SYTL2: variants seen among roughly 807,000 people sequenced by gnomAD.
The protein encoded by SYTL2 is synaptotagmin like 2.
In SYTL2, 165 loss-of-function variants were observed where a neutral mutation model predicts 198.7. That is an observed-to-expected ratio of 0.83 (90% CI 0.73 to 0.94). SYTL2 has a LOEUF of 0.94. SYTL2 is among the 40% of genes least tolerant of loss of function. The pLI, the probability that SYTL2 is intolerant of heterozygous loss-of-function variation, is 0.00. For missense variants in SYTL2, 2,835 were observed against 2,582.8 expected (o/e 1.10, Z -2.12); for synonymous variants, 966 against 917.7 (o/e 1.05, Z -0.95).
chr11:85,778,679 T>A (rs913455264), intron 1 of SYTL2, among the ~76,000 whole-genome samples: 6 of 152,198 alleles, frequency 3.9e-5, no homozygotes, highest in South Asian at 2.1e-4. Context: ...GCATGCACTA[T>A]CTATTTAAAA....
intron 1 of SYTL2, among the ~76,000 whole-genome samples, chr11:85,805,730 A>T (rs957310894): frequency 2.6e-5 from 4 of 152,230 alleles, no homozygotes; most frequent in Non-Finnish European, 5.9e-5. Flanking sequence ...AAAGAAACTT[A>T]TATTCACTCA....
intron 7 of SYTL2, among the ~76,000 whole-genome samples, chr11:85,728,306 A>T (rs1040792734): frequency 1.3e-5 from 2 of 151,988 alleles, no homozygotes; most frequent in African/African-American, 4.8e-5. Flanking sequence ...ATTTTTTTTG[A>T]GATGGAGTCT....
At chr11:85,839,672 T>C in the SYTL2 span, among the ~76,000 whole-genome samples, 3 of 152,228 alleles carry the variant, frequency 2.0e-5, no homozygotes, top group Admixed American at 2.0e-4. Flanking sequence ...ATTCTCTTTA[T>C]CCATTCATCT....
chr11:85,809,914 T>C lies in SYTL2; in HGVS notation c.-390+1040A>G, dbSNP rs534774000. Among the ~76,000 whole-genome samples the C allele has an allele frequency of 1.2e-4, 18 of 152,342 alleles. No homozygotes were observed. The East Asian group carries it at 3.3e-3, about 28-fold the overall frequency. On this transcript the variant is annotated intron_variant, in intron 1 of 19. Coordinates refer to ENST00000359152, the MANE Select transcript of SYTL2 (RefSeq NM_206927.4). Reference sequence around the variant, plus strand: ...GAAGGGAAATGCTGGAGACCTTCCATAGAAATCCAGCCAAGTCCTCAGCTC... The same window carrying C: ...GAAGGGAAATGCTGGAGACCTTCCACAGAAATCCAGCCAAGTCCTCAGCTC...
chr11:85,814,363 G>C (rs987767198), upstream of SYTL2, among the ~76,000 whole-genome samples: 1 of 152,286 alleles, frequency 6.6e-6, no homozygotes, highest in Non-Finnish European at 1.5e-5. Flanking sequence ...TATTGGAAAG[G>C]GGAAATGTAA....
At chr11:85,810,383 T>G (rs11234418) in intron 1 of SYTL2, among the ~76,000 whole-genome samples, 6 of 152,082 alleles carry the variant, frequency 3.9e-5, no homozygotes, top group African/African-American at 1.4e-4. Flanking sequence ...GCCCTGTGTC[T>G]TAGACGCTAA....
chr11:85,810,650 G>A lies in SYTL2; in HGVS notation c.-390+304C>T, dbSNP rs112904788. Among the ~76,000 whole-genome samples the A allele has an allele frequency of 6.5e-3, 980 of 151,448 alleles. 13 individuals are homozygous for A. Among genetic ancestry groups the A allele is most frequent in the African/African-American group, 0.022 (928 of 41,496 alleles). On this transcript the variant is annotated intron_variant, in intron 1 of 19. Transcript: ENST00000359152. ...TCCCCAGCACCCAGCCCCAAGCCCA[G>A]GTCAGTCCCTGAAAGCCCTAGAAAA... is the stretch of plus-strand genomic sequence containing the variant.
chr11:85,806,504 A>T (rs776303774), intron 1 of SYTL2, among the ~76,000 whole-genome samples: 13 of 152,336 alleles, frequency 8.5e-5, no homozygotes, highest in Admixed American at 1.3e-4. Flanking sequence ...ATTTCTGTCA[A>T]CCTACCTTCC....
chr11:85,753,577 T>C lies in SYTL2; in HGVS notation c.101+4048A>G, dbSNP rs574781718. Among the ~76,000 whole-genome samples, 6 of 152,252 alleles carry C rather than the reference T, an allele frequency of 3.9e-5. No homozygotes were observed. The East Asian group carries it at 1.2e-3, about 29-fold the overall frequency. On this transcript the variant is annotated intron_variant, in intron 2 of 19. Coordinates refer to ENST00000359152, the MANE Select transcript of SYTL2 (RefSeq NM_206927.4). ...GTCTCTGTGCAACACTCACTTTTCC[T>C]ATCCATGAAATCAAGATGGGAAGTA...
At chr11:85,714,699 G>A in intron 11 of SYTL2, 192 bp from the exon 12 acceptor site, 1 of 1,276,440 alleles carries the variant, frequency 7.8e-7, no homozygotes, top group Non-Finnish European at 1.0e-6. Context: ...TATAGAGAGA[G>A]AACTAGCAAG....
At chr11:85,774,625 G>A (rs572968373) in intron 1 of SYTL2, among the ~76,000 whole-genome samples, 5 of 152,248 alleles carry the variant, frequency 3.3e-5, no homozygotes, top group African/African-American at 4.8e-5. Flanking sequence ...TATTTTTTAC[G>A]TGATCCCAAT....
At chr11:85,798,733 A>T (rs933918630) in intron 1 of SYTL2, among the ~76,000 whole-genome samples, 2 of 152,210 alleles carry the variant, frequency 1.3e-5, no homozygotes, top group African/African-American at 4.8e-5. Flanking sequence ...ACAAGTTGTG[A>T]CAATGCATCT....
At chr11:85,722,401 C>G (rs993989602) in intron 8 of SYTL2, among the ~76,000 whole-genome samples, 3 of 152,030 alleles carry the variant, frequency 2.0e-5, no homozygotes, top group African/African-American at 7.2e-5. Flanking sequence ...GTCTCGATAT[C>G]CTCACCTCAT....
chr11:85,827,454 A>T, the SYTL2 span, among the ~76,000 whole-genome samples: 1 of 152,096 alleles, frequency 6.6e-6, no homozygotes, highest in Non-Finnish European at 1.5e-5. Flanking sequence ...AGTCTTCACA[A>T]TATGCCATTC....
rs74560408 is a variant in SYTL2 at position 85,803,309 on chromosome 11, A to G, written c.-390+7645T>C. ...CATGCACAACATGAAAATCAACTTC[A>G]TTTCTACTCAAGTTCTTCAGTATAT... On this transcript the variant is annotated intron_variant, in intron 1 of 19. Transcript: ENST00000359152. Among the ~76,000 whole-genome samples the G allele has an allele frequency of 5.3e-3, 806 of 152,330 alleles. 6 individuals carry two copies. The highest frequency in any genetic ancestry group is 0.019 in the African/African-American group (771 of 41,574).
At chr11:85,824,203 G>T in the SYTL2 span, among the ~76,000 whole-genome samples, 1 of 152,150 alleles carries the variant, frequency 6.6e-6, no homozygotes, top group African/African-American at 2.4e-5. Flanking sequence ...CAGCAATACA[G>T]ACAGAGGTGG....
At chr11:85,729,474 T>C (rs577678038) in intron 7 of SYTL2, among the ~76,000 whole-genome samples, 141 of 152,196 alleles carry the variant, frequency 9.3e-4, no homozygotes, top group African/African-American at 3.2e-3. Context: ...ACTGAACAAC[T>C]TGCTCCTGAG....
At chr11:85,752,943 A>C (rs953095097) in intron 2 of SYTL2, among the ~76,000 whole-genome samples, 3 of 143,110 alleles carry the variant, frequency 2.1e-5, no homozygotes, top group Non-Finnish European at 3.0e-5. Flanking sequence ...AAAAAAAAAA[A>C]AAAAAAAACA....
intron 4 of SYTL2, among the ~76,000 whole-genome samples, chr11:85,742,764 C>T (rs2090894912): frequency 6.6e-6 from 1 of 152,138 alleles, no homozygotes; most frequent in Non-Finnish European, 1.5e-5. Context: ...TAGTCCTTCA[C>T]TACAAAGGGT....
Sources: gnomAD v4.1 joint callset for allele counts (sites outside exome capture counted in the v4.1 genomes callset) on GRCh38, gnomAD v4.1.1 for gene constraint, MANE v1.5 for transcripts, NCBI Gene and HGNC (gene_info 2026-07-23, HGNC 2026-07-21) for gene names.